The following CATSPERG variants were observed in gnomAD, a reference collection of about 807,000 sequenced individuals.
The protein encoded by CATSPERG is catsper channel auxiliary subunit gamma, also known as cation channel sperm-associated auxiliary subunit gamma.
Under a neutral mutation model 145.0 loss-of-function variants are expected in CATSPERG, and 115 were observed. The observed-to-expected ratio is 0.79, with a 90% CI of 0.68 to 0.93. The LOEUF is 0.93. Among genes scored for constraint, CATSPERG ranks in the 40% least tolerant of loss-of-function variants. CATSPERG has a pLI of 0.00. For synonymous variants in CATSPERG, 588 were observed against 589.0 expected, an observed-to-expected ratio of 1.00 and a Z score of 0.02; for missense variants, 1,296 against 1,490.1, an observed-to-expected ratio of 0.87 and a Z score of 2.14.
At chr19:38,352,812 A>G (rs1447863954) in intron 8 of CATSPERG, among the ~76,000 whole-genome samples, 5 of 151,420 alleles carry the variant, frequency 3.3e-5, no homozygotes, top group Non-Finnish European at 7.4e-5. Flanking sequence ...AATCAGAAAG[A>G]CAGAGCGGGA....
At chr19:38,348,760 A>G (rs556696639) in intron 7 of CATSPERG, among the ~76,000 whole-genome samples, 3 of 152,274 alleles carry the variant, frequency 2.0e-5, no homozygotes, top group African/African-American at 7.2e-5. Flanking sequence ...GGTGTGAGCC[A>G]TCGCACCTGG....
intron 14 of CATSPERG, chr19:38,359,985 G>C: frequency 3.8e-6 from 4 of 1,039,300 alleles, no homozygotes. Context: ...GGCTTCATGG[G>C]GGAGACCACA....
chr19:38,370,476 T>C (rs749909426), intron 28 of CATSPERG, 50 bp from the exon 29 acceptor site: 1 of 1,610,630 alleles, frequency 6.2e-7, no homozygotes, highest in Non-Finnish European at 8.5e-7. Context: ...GATTGTGGAC[T>C]GTGTACCTTA....
At position 38,337,257 on chromosome 19, in the gene CATSPERG, C is replaced by T; in HGVS notation, c.23C>T (p.Pro8Leu). Residue 8 changes from proline to leucine, a missense_variant, in exon 2 of 29, where the codon CCT becomes CTT. By Grantham distance (98) the Pro-to-Leu change is moderately conservative (BLOSUM62 -3). Transcript: ENST00000409235. MCGPAMF[P>L]AGPPWPRVRV... ...GTTATGTGCGGCCCAGCCATGTTCC[C>T]TGCCGGTCCTCCGTGGCCCAGAGTC... 6.4e-7 allele frequency: 1 copy of T among 1,551,434 alleles called. No homozygotes were observed. Among genetic ancestry groups the T allele is most frequent in the South Asian group, 1.2e-5 (1 of 84,060 alleles).
chr19:38,347,499 T>C (rs1418966837), intron 7 of CATSPERG, among the ~76,000 whole-genome samples: 1 of 152,252 alleles, frequency 6.6e-6, no homozygotes, highest in Non-Finnish European at 1.5e-5. Context: ...GGTTTCCTAT[T>C]AGGCATTGAG....
At chr19:38,339,414 T>C (rs1356981576) in intron 3 of CATSPERG, among the ~76,000 whole-genome samples, 1 of 152,138 alleles carries the variant, frequency 6.6e-6, no homozygotes, top group African/African-American at 2.4e-5. Flanking sequence ...CACAAGGGGT[T>C]TTAGACCCTG....
At chr19:38,356,191 A>T (rs1463510093) in intron 9 of CATSPERG, among the ~76,000 whole-genome samples, 1 of 152,138 alleles carries the variant, frequency 6.6e-6, no homozygotes, top group Non-Finnish European at 1.5e-5. Flanking sequence ...GAGTCACGCC[A>T]AGAGAATGAA....
rs762933018 is a variant in CATSPERG, at chr19:38,367,319, G to A, written c.2770+7G>A. ...TGCTTTCTCTTCCGGGACAGTGTGT[G>A]TCCAGTCCCTTCCCCTGCACAGTTC... On this transcript the variant is annotated splice_region_variant and intron_variant, in intron 23 of 28. Coordinates refer to ENST00000409235, the MANE Select transcript of CATSPERG (RefSeq NM_021185.5). The A allele has an allele frequency of 1.2e-5, 19 of 1,609,106 alleles. No homozygotes were observed. The highest frequency in any genetic ancestry group is 1.6e-5 in the Non-Finnish European group (19 of 1,178,884).
intron 20 of CATSPERG, 22 bp downstream of exon 20, chr19:38,362,854 G>C (rs1317942119): frequency 2.3e-6 from 3 of 1,296,112 alleles, no homozygotes; most frequent in African/African-American, 3.0e-5. Flanking sequence ...CGGGGAGTTG[G>C]GATCAAGGGA....
rs770389544 is a variant in CATSPERG, at chr19:38,370,069, G to C, written c.3113+5G>C. 1.2e-6 allele frequency: 2 copies of C among 1,614,118 alleles called. No individual in the cohort carries two copies. The highest frequency in any genetic ancestry group is 1.7e-6 in the Non-Finnish European group (2 of 1,179,976). On this transcript the variant is annotated splice_donor_5th_base_variant and intron_variant, in intron 27 of 28. Coordinates refer to ENST00000409235, the MANE Select transcript of CATSPERG (RefSeq NM_021185.5). ...CAAGGTGTTGGTGAGCAATAGGTGA[G>C]CCAGGCAAGTGGCCCAGGTGCGGGT...
chr19:38,363,777 G>A (rs906706379), intron 20 of CATSPERG, among the ~76,000 whole-genome samples: 1 of 152,104 alleles, frequency 6.6e-6, no homozygotes, highest in African/African-American at 2.4e-5. Context: ...GCACAGGGTT[G>A]GGGGTAAGGT....
chr19:38,370,700 A>C lies in CATSPERG; in HGVS notation c.3388A>C (p.Arg1130=). The C allele has an allele frequency of 6.2e-7, 1 of 1,613,958 alleles. No homozygotes were observed. Among genetic ancestry groups the C allele is most frequent in the Non-Finnish European group, 8.5e-7 (1 of 1,180,010 alleles). The change falls in exon 29 of 29, where the codon AGA becomes CGA. Residue 1130 remains arginine (R), a synonymous_variant. Coordinates refer to ENST00000409235, the MANE Select transcript of CATSPERG (RefSeq NM_021185.5). Reference sequence around the variant, plus strand: ...CGGAATCTCGAGCATGCCGTCTCTGAGACATTCCAGGATGGGCTCCATGTT... The same window carrying C: ...CGGAATCTCGAGCATGCCGTCTCTGCGACATTCCAGGATGGGCTCCATGTT... The part of the protein sequence containing the change: ...ISGISSMPSL[R]HSRMGSMFSS...
chr19:38,337,802 T>A, intron 3 of CATSPERG, 156 bp downstream of exon 3: 1 of 617,344 alleles, frequency 1.6e-6, no homozygotes, highest in Non-Finnish European at 2.6e-6. Context: ...CACTGCAACC[T>A]CCGCCTCCCG....
At chr19:38,365,034 AC>A in intron 21 of CATSPERG, 26 bp from the exon 22 acceptor site, 11 of 1,613,934 alleles carry the variant, frequency 6.8e-6, no homozygotes, top group Non-Finnish European at 9.3e-6. Context: ...GGCGGGGATC[AC>A]CATCTTCACC....
intron 13 of CATSPERG, among the ~76,000 whole-genome samples, chr19:38,359,060 G>T (rs1411418936): frequency 1.3e-5 from 2 of 152,062 alleles, no homozygotes; most frequent in African/African-American, 2.4e-5. Flanking sequence ...ATGTTGGGCA[G>T]GCTGGTCTCA....
intron 20 of CATSPERG, 61 bp from the exon 21 acceptor site, chr19:38,364,830 T>C: frequency 7.5e-7 from 1 of 1,327,126 alleles, no homozygotes; most frequent in Non-Finnish European, 1.1e-6. Context: ...GAACTGTTTG[T>C]TGGACTTTGG....
intron 3 of CATSPERG, 27 bp downstream of exon 3, chr19:38,337,673 C>T (rs755382165): frequency 1.9e-6 from 3 of 1,543,248 alleles, no homozygotes; most frequent in South Asian, 2.4e-5. Flanking sequence ...CGGATAGGCT[C>T]ATTCTATGAG....
At chr19:38,340,235 C>T (rs1318935588) in intron 3 of CATSPERG, among the ~76,000 whole-genome samples, 1 of 152,116 alleles carries the variant, frequency 6.6e-6, no homozygotes, top group South Asian at 2.1e-4. Flanking sequence ...GGGTTTCTTT[C>T]TGGACTCAAT....
rs774645480 is a variant in CATSPERG, at chr19:38,344,350, A to G, written c.651A>G (p.Gln217=). 1.9e-6 allele frequency: 3 copies of G among 1,551,712 alleles called. No individual in the cohort carries two copies. The South Asian group carries it at 3.6e-5, about 18-fold the overall frequency. ...FLKRDRDNNI[Q]FTVGEELFNL... ...AGAGAGACCGGGACAATAACATCCA[A>G]TTCACTGTGGGAGAGGAGGTGAGGG... is the stretch of plus-strand genomic sequence containing the variant. The change falls in exon 6 of 29, where the codon CAA becomes CAG. Residue 217 remains glutamine, a synonymous_variant. Coordinates refer to ENST00000409235, the MANE Select transcript of CATSPERG (RefSeq NM_021185.5).
Sources: allele counts gnomAD v4.1 joint callset (sites outside exome capture counted in the v4.1 genomes callset), GRCh38; gene constraint gnomAD v4.1.1; transcripts MANE v1.5; gene names NCBI Gene and HGNC (gene_info 2026-07-23, HGNC 2026-07-21).